Variants in KLHL6 observed in about 807,000 individuals in gnomAD.
The protein encoded by KLHL6 is kelch-like protein 6.
KLHL6 carries 41 observed loss-of-function variants against 58.6 expected under a neutral mutation model. That is an observed-to-expected ratio of 0.70 (90% CI 0.55 to 0.91). The LOEUF (loss-of-function observed/expected upper bound fraction) is 0.91, where lower values mean the gene tolerates loss of function less well. Among genes scored for constraint, KLHL6 ranks in the 40% least tolerant of loss-of-function variants. The probability of loss-of-function intolerance (pLI) is 0.00; values close to 1 mark genes in which losing one functional copy is unlikely to be tolerated. For synonymous variants in KLHL6, 338 were observed against 322.7 expected (o/e 1.05, Z -0.51); for missense variants, 714 against 805.6 (o/e 0.89, Z 1.38).
At position 183,515,701 on chromosome 3, in the gene KLHL6, T is replaced by C. The variant is rs1334078914; in HGVS notation, c.460-7193A>G. ...TCTGTGCTCCACTGGGCACCTTGCT[T>C]TCCCCTTTTGTGGAGCACCCAGAGT... On this transcript the variant is annotated intron_variant, in intron 2 of 6. Coordinates refer to ENST00000341319, the MANE Select transcript of KLHL6 (RefSeq NM_130446.4). Among the ~76,000 whole-genome samples, 7 of 152,192 alleles carry C rather than the reference T, an allele frequency of 4.6e-5. No individual in the cohort carries two copies. In the South Asian group the frequency reaches 1.2e-3, roughly 27 times the overall value.
At chr3:183,501,567 T>C (rs1717867197) in intron 3 of KLHL6, among the ~76,000 whole-genome samples, 1 of 152,158 alleles carries the variant, frequency 6.6e-6, no homozygotes, top group African/African-American at 2.4e-5. Context: ...TGTTGGGTGA[T>C]TGAGAGGCTG....
intron 1 of KLHL6, among the ~76,000 whole-genome samples, chr3:183,550,699 G>A (rs1310546083): frequency 6.6e-6 from 1 of 152,138 alleles, no homozygotes; most frequent in African/African-American, 2.4e-5. Context: ...GGGGGGCTGA[G>A]GTGGAAGAAT....
chr3:183,526,188 G>A (rs1423229976), intron 2 of KLHL6, among the ~76,000 whole-genome samples: 1 of 152,164 alleles, frequency 6.6e-6, no homozygotes, highest in Admixed American at 6.5e-5. Context: ...GCACATGCCT[G>A]TAATCCCAGC....
Position 183,502,857 on chromosome 3 carries a change from G to A in KLHL6, c.910-3030C>T, listed in dbSNP as rs1010961696. Among the ~76,000 whole-genome samples the A allele has an allele frequency of 1.3e-4, 20 of 152,278 alleles. No homozygotes were observed. The South Asian group carries it at 3.9e-3, about 30-fold the overall frequency. On this transcript the variant is annotated intron_variant, in intron 3 of 6. Coordinates refer to ENST00000341319, the MANE Select transcript of KLHL6 (RefSeq NM_130446.4). ...GTTATTTTAAAGTTTTCAGTTTGGG[G>A]GTAATTTGTTATGCAGCAATTGAGA...
intron 1 of KLHL6, among the ~76,000 whole-genome samples, chr3:183,555,114 G>A (rs990336031): frequency 6.6e-5 from 10 of 152,068 alleles, no homozygotes; most frequent in Admixed American, 3.3e-4. Context: ...GCGGTGAACC[G>A]AGATTGCGCC....
intron 3 of KLHL6, among the ~76,000 whole-genome samples, chr3:183,502,623 A>G (rs1180274551): frequency 1.3e-5 from 2 of 152,182 alleles, no homozygotes; most frequent in Non-Finnish European, 2.9e-5. Flanking sequence ...TATGGCAAGA[A>G]ACTGAGGCTC....
intron 5 of KLHL6, 162 bp downstream of exon 5, chr3:183,493,917 A>T: frequency 1.5e-6 from 1 of 684,102 alleles, no homozygotes; most frequent in East Asian, 2.5e-5. Context: ...ATACTGAAGC[A>T]ATAGCTCCTA....
Position 183,525,260 on chromosome 3 carries a change from TAAAAAA to T in KLHL6, c.459+2579_459+2584del, listed in dbSNP as rs144357979. ...GCCTGGGCAACAGAGTGAGACTCTCTAAAAAAAAAACACACACACACACACACACAC... is the reference window on the plus strand; with the variant it reads ...GCCTGGGCAACAGAGTGAGACTCTCTAAAACACACACACACACACACACAC... On this transcript the variant is annotated intron_variant, in intron 2 of 6. Transcript: ENST00000341319. Among the ~76,000 whole-genome samples, 111 of 143,736 alleles carry T rather than the reference TAAAAAA, an allele frequency of 7.7e-4. 1 individual carries two copies. The highest frequency in any genetic ancestry group is 1.3e-3 in the Non-Finnish European group (84 of 65,260). 94.3% of individuals were successfully genotyped at this position (143,736 alleles called of 152,430 possible). A position where few individuals can be genotyped will look rare whatever the true frequency, so the allele number is the denominator to read the frequency against.
intron 2 of KLHL6, among the ~76,000 whole-genome samples, chr3:183,523,748 T>C (rs571529757): frequency 1.3e-5 from 2 of 151,768 alleles, no homozygotes; most frequent in East Asian, 3.9e-4. Flanking sequence ...TTTGGCTACA[T>C]TTCATGAGGT....
At chr3:183,520,589 T>C (rs1711723544) in intron 2 of KLHL6, 1 of 151,384 alleles carries the variant, frequency 6.6e-6, no homozygotes, top group African/African-American at 2.4e-5. Context: ...AGGGTAATGG[T>C]GGGGAGAGGG....
Position 183,508,450 on chromosome 3 carries a change from T to C in KLHL6, c.518A>G (p.Asn173Ser). Reference sequence around the variant, plus strand: ...AGCCAGCCTCAGTATTCCAACGCAGTTTTCTGGGTTCAAGGCTTCAGTGAG... The same window carrying C: ...AGCCAGCCTCAGTATTCCAACGCAGCTTTCTGGGTTCAAGGCTTCAGTGAG... ...SFLTEALNPE[N>S]CVGILRLADT... Residue 173 changes from asparagine (N) to serine (S), a missense_variant, in exon 3 of 7, where the codon AAC (asparagine) becomes AGC (serine). Coordinates refer to ENST00000341319, the MANE Select transcript of KLHL6 (RefSeq NM_130446.4). 6.2e-7 allele frequency: 1 copy of C among 1,614,124 alleles called. No homozygotes were observed. Among genetic ancestry groups the C allele is most frequent in the Non-Finnish European group, 8.5e-7 (1 of 1,180,034 alleles).
chr3:183,508,907 A>G lies in KLHL6; in HGVS notation c.460-399T>C, dbSNP rs138626475. Among the ~76,000 whole-genome samples, 1,071 of 152,386 alleles carry G rather than the reference A, an allele frequency of 7.0e-3. 11 individuals carry two copies. The highest frequency in any genetic ancestry group is 0.025 in the African/African-American group (1,036 of 41,586). On this transcript the variant is annotated intron_variant, in intron 2 of 6. Transcript: ENST00000341319. The stretch of plus-strand genomic sequence containing the variant: ...ATATTAAATGAAATAGAAAATGTTC[A>G]TAATGTATTGAGTTTTAAAATCTGT...
Position 183,488,216 on chromosome 3 carries a change from C to G in KLHL6, c.*3711G>C, listed in dbSNP as rs1717452612. On this transcript the variant is annotated 3_prime_UTR_variant, in exon 7 of 7. Coordinates refer to ENST00000341319, the MANE Select transcript of KLHL6 (RefSeq NM_130446.4). ...GGCAACTGGAGTCCCTTAACCTCATCTACAGATTCCGCTCCACCAAAGACT... is the reference window on the plus strand; with the variant it reads ...GGCAACTGGAGTCCCTTAACCTCATGTACAGATTCCGCTCCACCAAAGACT... The G allele has an allele frequency of 6.6e-6, 1 of 152,234 alleles. No homozygotes were observed. Among genetic ancestry groups the G allele is most frequent in the Admixed American group, 6.5e-5 (1 of 15,282 alleles). 9.4% of individuals were successfully genotyped at this position (152,234 alleles called of 1,614,324 possible). A position where few individuals can be genotyped will look rare whatever the true frequency, so the allele number is the denominator to read the frequency against.
intron 2 of KLHL6, among the ~76,000 whole-genome samples, chr3:183,510,448 G>A (rs998276449): frequency 1.3e-5 from 2 of 152,154 alleles, no homozygotes; most frequent in African/African-American, 4.8e-5. Flanking sequence ...GGTTCTAAGA[G>A]TGGACCAAGG....
intron 2 of KLHL6, among the ~76,000 whole-genome samples, chr3:183,522,091 C>G (rs1711783021): frequency 4.0e-5 from 6 of 151,296 alleles, no homozygotes; most frequent in Admixed American, 3.9e-4. Context: ...TTTGGGAGGC[C>G]AAGCCAGGTG....
chr3:183,518,510 T>A (rs1027155542), intron 2 of KLHL6, among the ~76,000 whole-genome samples: 8 of 152,148 alleles, frequency 5.3e-5, no homozygotes, highest in Non-Finnish European at 1.0e-4. Flanking sequence ...GCAGTTAAAG[T>A]CAGAATCTGG....
At chr3:183,549,989 A>G (rs746295082) in intron 1 of KLHL6, among the ~76,000 whole-genome samples, 103 of 152,176 alleles carry the variant, frequency 6.8e-4, no homozygotes, top group Non-Finnish European at 3.5e-4. Context: ...CAAACAGTAA[A>G]AAACAAACAA....
intron 2 of KLHL6, among the ~76,000 whole-genome samples, chr3:183,514,329 C>T (rs1348095122): frequency 1.3e-5 from 2 of 152,180 alleles, no homozygotes; most frequent in Non-Finnish European, 2.9e-5. Flanking sequence ...CAGTCATCAC[C>T]AGGAACCTCC....
At position 183,555,557 on chromosome 3, in the gene KLHL6, G is replaced by A. The variant is rs765195625; in HGVS notation, c.97C>T (p.Gln33Ter). The A allele has an allele frequency of 1.9e-6, 3 of 1,614,124 alleles. No homozygotes were observed. The highest frequency in any genetic ancestry group is 2.5e-6 in the Non-Finnish European group (3 of 1,180,018). Residue 33 changes from glutamine to a stop codon, truncating the protein, a stop_gained, in exon 1 of 7, where the codon CAG becomes TAG. Coordinates refer to ENST00000341319, the MANE Select transcript of KLHL6 (RefSeq NM_130446.4). LOFTEE classifies it high-confidence loss of function. ...ATCTCGACCAAGTCTCCTGTTTTCT[G>A]GGAGGGCTCATCTGTAGAAGGTGCC... is the stretch of plus-strand genomic sequence containing the variant. ...PLAPSTDEPS[Q>*]KTGDLVEILN...
Sources: allele counts gnomAD v4.1 joint callset (sites outside exome capture counted in the v4.1 genomes callset), GRCh38; gene constraint gnomAD v4.1.1; transcripts MANE v1.5; gene names NCBI Gene and HGNC (gene_info 2026-07-23, HGNC 2026-07-21).